Variants in SYNE2 observed in about 807,000 individuals in gnomAD.
SYNE2 encodes the protein nesprin-2.
Under a neutral mutation model 856.3 loss-of-function variants are expected in SYNE2, and 431 were observed. The observed-to-expected ratio is 0.50, with a 90% CI of 0.47 to 0.55. SYNE2 has a LOEUF of 0.55. SYNE2 is among the 20% of genes least tolerant of loss of function. The pLI, the probability that SYNE2 is intolerant of heterozygous loss-of-function variation, is 0.00. For missense variants in SYNE2, 8,129 were observed against 8,023.2 expected (o/e 1.01, Z -0.50); for synonymous variants, 2,923 against 2,872.3 (o/e 1.02, Z -0.56).
In SYNE2 at chr14:63,977,995, A is replaced by G. The variant is rs753039223; in HGVS notation, c.1384A>G (p.Lys462Glu). ...ENHLPLVPPN[K>E]LEEMKRRINN... ...TCACTTGCCATTGGTACCACCTAACAAATTGGAGGAAATGAAAAGACGGTG... is the reference window on the plus strand; with the variant it reads ...TCACTTGCCATTGGTACCACCTAACGAATTGGAGGAAATGAAAAGACGGTG... Residue 462 changes from lysine to glutamate, a missense_variant, in exon 13 of 116, where the codon AAA becomes GAA. This residue lies in a region of SYNE2 where 2,422 missense variants were observed against 2,357.4 expected (regional missense o/e 1.03). Coordinates refer to ENST00000555002, the MANE Select transcript of SYNE2 (RefSeq NM_182914.3). 1.8e-5 allele frequency: 29 copies of G among 1,611,204 alleles called. No homozygotes were observed. Among genetic ancestry groups the G allele is most frequent in the Non-Finnish European group, 2.4e-5 (28 of 1,177,464 alleles).
chr14:63,880,356 T>C (rs1487546881), intron 1 of SYNE2, among the ~76,000 whole-genome samples: 1 of 152,128 alleles, frequency 6.6e-6, no homozygotes, highest in Non-Finnish European at 1.5e-5. Context: ...CCTCCCAAAG[T>C]GCTGGGATTA....
intron 9 of SYNE2, among the ~76,000 whole-genome samples, chr14:63,962,118 G>A (rs945657572): frequency 1.4e-4 from 21 of 151,436 alleles, no homozygotes; most frequent in East Asian, 9.7e-4. Context: ...GTGCAGTGGC[G>A]CGATCTTGGC....
intron 45 of SYNE2, among the ~76,000 whole-genome samples, chr14:64,032,203 A>G (rs2097044161): frequency 6.6e-6 from 1 of 152,222 alleles, no homozygotes; most frequent in South Asian, 2.1e-4. Flanking sequence ...AATATGTAAA[A>G]CAATGTGAAA....
chr14:64,108,855 GT>G (rs2097787784), intron 65 of SYNE2, among the ~76,000 whole-genome samples: 2 of 152,028 alleles, frequency 1.3e-5, no homozygotes, highest in African/African-American at 4.8e-5. Context: ...TAGTCAGTAT[GT>G]TTTTTTGCTG....
chr14:64,101,868 A>C, intron 63 of SYNE2, 64 bp from the exon 64 acceptor site: 3 of 1,217,716 alleles, frequency 2.5e-6, no homozygotes, highest in Non-Finnish European at 3.6e-6. Context: ...GTGAGTGAGT[A>C]GGGCACCGGT....
At chr14:64,153,044 C>G (rs2098256822) in intron 85 of SYNE2, among the ~76,000 whole-genome samples, 10 of 152,138 alleles carry the variant, frequency 6.6e-5, no homozygotes, top group Admixed American at 6.6e-4. Context: ...GCAAGATATA[C>G]AGAAACAGTG....
Position 63,995,397 on chromosome 14 carries a change from G to A in SYNE2, c.2940+195G>A, listed in dbSNP as rs1566999813. On this transcript the variant is annotated intron_variant, in intron 23 of 115. Coordinates refer to ENST00000555002, the MANE Select transcript of SYNE2 (RefSeq NM_182914.3). The stretch of plus-strand genomic sequence containing the variant: ...TTACTTTTTAGAAGTGAGAAAATTC[G>A]GCACTGAGTTAATATTTTATGATTT... Among the ~76,000 whole-genome samples the A allele has an allele frequency of 3.3e-5, 5 of 152,044 alleles. No individual in the cohort carries two copies. In the South Asian group the frequency reaches 1.0e-3, roughly 32 times the overall value.
intron 1 of SYNE2, among the ~76,000 whole-genome samples, chr14:63,814,973 TC>T (rs1411808291): frequency 6.0e-5 from 7 of 117,188 alleles, no homozygotes; most frequent in Non-Finnish European, 1.1e-4. Flanking sequence ...TATATATCTA[TC>T]CATATATATC....
intron 98 of SYNE2, among the ~76,000 whole-genome samples, chr14:64,189,699 G>T (rs1284802200): frequency 1.3e-5 from 2 of 152,212 alleles, no homozygotes; most frequent in African/African-American, 4.8e-5. Context: ...ATGAGGTTTT[G>T]AGACAGTGTC....
chr14:64,188,657 T>TC lies in SYNE2; in HGVS notation c.17821dup (p.Leu5941ProfsTer7). On this transcript the variant is annotated frameshift_variant, in exon 98 of 116. Transcript: ENST00000555002. LOFTEE classifies it high-confidence loss of function. ...GGCTGGTGCAGATGGAAAACAAAGT[T>TC]CTACAGACAGCGGACATTAGTATTG... The TC allele has an allele frequency of 6.2e-7, 1 of 1,614,194 alleles. No homozygotes were observed. Among genetic ancestry groups the TC allele is most frequent in the Non-Finnish European group, 8.5e-7 (1 of 1,180,044 alleles).
At chr14:63,965,696 C>T (rs1427091174) in intron 10 of SYNE2, among the ~76,000 whole-genome samples, 1 of 152,192 alleles carries the variant, frequency 6.6e-6, no homozygotes, top group Admixed American at 6.5e-5. Flanking sequence ...TGGATAAGTC[C>T]AGCCTTTTCA....
At chr14:63,983,613 T>C (rs1377828342) in intron 17 of SYNE2, 124 bp from the exon 18 acceptor site, 1 of 797,788 alleles carries the variant, frequency 1.3e-6, no homozygotes. Context: ...TCATATTTTA[T>C]AACACTGTTG....
At chr14:63,938,271 C>T (rs1317840624) in intron 2 of SYNE2, among the ~76,000 whole-genome samples, 1 of 152,068 alleles carries the variant, frequency 6.6e-6, no homozygotes, top group Middle Eastern at 3.4e-3. Context: ...GCCTGGGTAA[C>T]GTGGTGACAC....
At chr14:63,887,050 A>G (rs1202416410) in intron 1 of SYNE2, among the ~76,000 whole-genome samples, 1 of 152,220 alleles carries the variant, frequency 6.6e-6, no homozygotes, top group Non-Finnish European at 1.5e-5. Context: ...TGGGAGGCCA[A>G]GGTGGCTAGA....
chr14:63,763,881 A>G (rs895853491), intron 1 of SYNE2, among the ~76,000 whole-genome samples: 1 of 152,140 alleles, frequency 6.6e-6, no homozygotes, highest in African/African-American at 2.4e-5. Flanking sequence ...TATGTTGCCC[A>G]GGCTGGTCTC....
intron 22 of SYNE2, among the ~76,000 whole-genome samples, 176 bp from the exon 23 acceptor site, chr14:63,994,868 T>C (rs946336069): frequency 6.6e-6 from 1 of 152,198 alleles, no homozygotes; most frequent in Non-Finnish European, 1.5e-5. Flanking sequence ...AAAAACCATG[T>C]TTATGAGCCT....
At chr14:64,147,094 G>GC (rs113691218) in intron 84 of SYNE2, among the ~76,000 whole-genome samples, 7,622 of 152,318 alleles carry the variant, frequency 0.05, 237 homozygotes, top group African/African-American at 0.068. Flanking sequence ...ACATTCCGCA[G>GC]CCTGGTGCTG....
At chr14:63,848,152 G>T (rs2139949378), upstream of SYNE2, 1 of 152,316 alleles carries the variant, frequency 6.6e-6, no homozygotes, top group South Asian at 2.1e-4. Context: ...CTCCCAAATT[G>T]CTGGGATTAC....
chr14:64,167,100 C>T, intron 90 of SYNE2, 133 bp from the exon 91 acceptor site: 1 of 1,080,448 alleles, frequency 9.3e-7, no homozygotes, highest in South Asian at 1.4e-5. Context: ...CATTAGCAAG[C>T]TGTTTGACTG....
Sources: allele counts gnomAD v4.1 joint callset (sites outside exome capture counted in the v4.1 genomes callset), GRCh38; gene constraint gnomAD v4.1.1; regional missense constraint gnomAD v4.1.1; transcripts MANE v1.5; gene names NCBI Gene and HGNC (gene_info 2026-07-23, HGNC 2026-07-21).